OSBPL10: variants seen among roughly 807,000 people sequenced by gnomAD.
The protein encoded by OSBPL10 is oxysterol binding protein like 10, also known as oxysterol-binding protein-related protein 10.
OSBPL10 carries 49 observed loss-of-function variants against 81.7 expected under a neutral mutation model. That is an observed-to-expected ratio of 0.60 (90% CI 0.48 to 0.76). The LOEUF (loss-of-function observed/expected upper bound fraction) is 0.76, where lower values mean the gene tolerates loss of function less well. Among genes scored for constraint, OSBPL10 ranks in the 30% least tolerant of loss-of-function variants. The probability of loss-of-function intolerance (pLI) is 0.00; values close to 1 mark genes in which losing one functional copy is unlikely to be tolerated. For missense variants in OSBPL10, 923 were observed against 987.8 expected (o/e 0.93, Z 0.88); for synonymous variants, 419 against 383.6 (o/e 1.09, Z -1.08).
chr3:32,027,303 G>T (rs1383689995), intron 2 of OSBPL10, among the ~76,000 whole-genome samples: 2 of 152,108 alleles, frequency 1.3e-5, no homozygotes, highest in Non-Finnish European at 2.9e-5. Context: ...TCTTAAAAAT[G>T]CGAATACTAT....
chr3:31,689,525 T>C (rs1700886786), intron 7 of OSBPL10, among the ~76,000 whole-genome samples: 1 of 152,224 alleles, frequency 6.6e-6, no homozygotes, highest in East Asian at 1.9e-4. Context: ...TAAACATACA[T>C]GTATGATATG....
chr3:31,742,322 T>A (rs1697376857), intron 5 of OSBPL10, among the ~76,000 whole-genome samples: 1 of 152,238 alleles, frequency 6.6e-6, no homozygotes. Context: ...TATTTGGCCC[T>A]TTTGGCCAAA....
intron 4 of OSBPL10, among the ~76,000 whole-genome samples, chr3:31,823,854 G>GTT (rs968169708): frequency 2.0e-5 from 3 of 151,656 alleles, no homozygotes; most frequent in African/African-American, 7.3e-5. Flanking sequence ...ATGTGTGTGT[G>GTT]TGTGTGTGTG....
intron 4 of OSBPL10, among the ~76,000 whole-genome samples, chr3:31,788,983 T>G (rs1488609520): frequency 6.6e-6 from 1 of 152,058 alleles, no homozygotes; most frequent in African/African-American, 2.4e-5. Context: ...GGTTTTGTTT[T>G]GTTTTTTGTT....
intron 1 of OSBPL10, among the ~76,000 whole-genome samples, chr3:31,905,893 A>AG (rs1408078830): frequency 8.9e-6 from 1 of 112,376 alleles, no homozygotes; most frequent in Non-Finnish European, 1.7e-5. Flanking sequence ...ACCTCAAAGA[A>AG]GGAAAAAAAA....
At chr3:31,978,564 A>G (rs923249841) in intron 1 of OSBPL10, among the ~76,000 whole-genome samples, 2 of 152,188 alleles carry the variant, frequency 1.3e-5, no homozygotes, top group African/African-American at 4.8e-5. Context: ...CCAAACCACT[A>G]ATGGACCCTC....
chr3:31,707,020 G>T (rs972894094), intron 6 of OSBPL10, among the ~76,000 whole-genome samples: 1 of 152,136 alleles, frequency 6.6e-6, no homozygotes, highest in Non-Finnish European at 1.5e-5. Flanking sequence ...GGTAGCTGGG[G>T]TCAACACAAG....
intron 1 of OSBPL10, among the ~76,000 whole-genome samples, chr3:32,066,356 C>A (rs903838477): frequency 1.3e-5 from 2 of 149,826 alleles, no homozygotes; most frequent in African/African-American, 4.9e-5. Flanking sequence ...CATCCACTGC[C>A]CCTACCCTGC....
chr3:31,746,755 T>C (rs1214888113), intron 5 of OSBPL10, among the ~76,000 whole-genome samples: 1 of 133,114 alleles, frequency 7.5e-6, no homozygotes, highest in South Asian at 2.4e-4. Flanking sequence ...TTCTCACTCA[T>C]AGGTGGGAAT....
Position 32,044,838 on chromosome 3 carries a change from AT to A in OSBPL10, n.298+1652del, listed in dbSNP as rs1699608823. Among the ~76,000 whole-genome samples the A allele has an allele frequency of 2.0e-5, 3 of 151,986 alleles. No individual in the cohort carries two copies. In the South Asian group the frequency reaches 6.2e-4, roughly 32 times the overall value. On this transcript the variant is annotated intron_variant and non_coding_transcript_variant, in intron 2 of 3. Transcript: ENST00000479173. ...ATAAACTTGTATAATGCTCAAAAAA[AT>A]TATTTGCTGAAAGAATCTTATTTCT... is the stretch of plus-strand genomic sequence containing the variant.
Position 31,845,155 on chromosome 3 carries a change from G to C in OSBPL10, c.538-14924C>G, listed in dbSNP as rs1700598103. ...ATTTTTTTTTAATGAAAATAAAAAT[G>C]AACACCCTAAGGATCCAGCAACCCT... On this transcript the variant is annotated intron_variant, in intron 3 of 11. Coordinates refer to ENST00000396556, the MANE Select transcript of OSBPL10 (RefSeq NM_017784.5). Among the ~76,000 whole-genome samples, 3 of 151,888 alleles carry C rather than the reference G, an allele frequency of 2.0e-5. 1 individual carries two copies. The South Asian group carries it at 6.2e-4, about 32-fold the overall frequency.
intron 2 of OSBPL10, among the ~76,000 whole-genome samples, chr3:32,000,802 C>T (rs1042964177): frequency 4.6e-5 from 7 of 152,206 alleles, no homozygotes; most frequent in African/African-American, 1.7e-4. Flanking sequence ...TGGAACTGCT[C>T]TTTGACTCCG....
chr3:31,744,630 G>C (rs1697464667), intron 5 of OSBPL10, among the ~76,000 whole-genome samples: 1 of 151,900 alleles, frequency 6.6e-6, no homozygotes, highest in Non-Finnish European at 1.5e-5. Context: ...GGACATGAAG[G>C]AGGTAGCACC....
chr3:31,758,376 A>C (rs757148327), intron 4 of OSBPL10, among the ~76,000 whole-genome samples: 3 of 152,226 alleles, frequency 2.0e-5, no homozygotes, highest in Admixed American at 1.3e-4. Context: ...CTGTTAGCCA[A>C]GGGGACCTCA....
chr3:31,992,757 G>A (rs1699047912), intron 2 of OSBPL10, among the ~76,000 whole-genome samples: 1 of 152,220 alleles, frequency 6.6e-6, no homozygotes, highest in Admixed American at 6.5e-5. Context: ...ACTTTGGGAG[G>A]CCAAGGCAGG....
At chr3:31,850,083 T>C (rs1700725467) in intron 3 of OSBPL10, among the ~76,000 whole-genome samples, 1 of 152,164 alleles carries the variant, frequency 6.6e-6, no homozygotes. Context: ...GAGAGTAATT[T>C]GAACCCAGGA....
Position 31,833,705 on chromosome 3 carries a change from G to GCGCGCA in OSBPL10, c.538-3475_538-3474insTGCGCG, listed in dbSNP as rs1553631714. ...GTAGGGAAAACACGCACACGCACAC[G>GCGCGCA]CACACACACACACACACACACACAC... On this transcript the variant is annotated intron_variant, in intron 3 of 11. Transcript: ENST00000396556. Among the ~76,000 whole-genome samples the GCGCGCA allele has an allele frequency of 3.7e-4, 51 of 138,038 alleles. No homozygotes were observed. In the East Asian group the frequency reaches 4.2e-3, roughly 11 times the overall value. 90.6% of individuals were successfully genotyped at this position (138,038 alleles called of 152,430 possible).
At chr3:32,076,413 AGACTCAGCCTGCCTGCACCCAG>A (rs1293540049) in intron 1 of OSBPL10, among the ~76,000 whole-genome samples, 4 of 151,824 alleles carry the variant, frequency 2.6e-5, no homozygotes, top group African/African-American at 7.3e-5. Context: ...CTCTCTTTTC[AGACTCAGCCTGCCTGCACCCAG>A]GTGAAATAAA....
chr3:31,886,770 T>C (rs1168515106), intron 1 of OSBPL10, among the ~76,000 whole-genome samples: 2 of 151,850 alleles, frequency 1.3e-5, no homozygotes, highest in East Asian at 3.9e-4. Context: ...TGAAACCTCG[T>C]CTCTACTAAA....
Sources: gnomAD v4.1 joint callset for allele counts (sites outside exome capture counted in the v4.1 genomes callset) on GRCh38, gnomAD v4.1.1 for gene constraint, MANE v1.5 for transcripts, NCBI Gene and HGNC (gene_info 2026-07-23, HGNC 2026-07-21) for gene names.